CD163L1: variants seen among roughly 807,000 people sequenced by gnomAD.
CD163L1 encodes the protein CD163 molecule like 1, also known as scavenger receptor cysteine-rich type 1 protein M160.
CD163L1 carries 124 observed loss-of-function variants against 165.4 expected under a neutral mutation model. That is an observed-to-expected ratio of 0.75 (90% CI 0.65 to 0.87). The LOEUF (loss-of-function observed/expected upper bound fraction) is 0.87. Ranked by LOEUF, CD163L1 falls within the 40% of genes least tolerant of loss-of-function variation. The pLI is 0.00. For missense variants in CD163L1, 1,525 were observed against 1,799.9 expected (o/e 0.85, Z 2.76); for synonymous variants, 585 against 662.2 (o/e 0.88, Z 1.79).
intron 19 of CD163L1, among the ~76,000 whole-genome samples, chr12:7,356,890 G>A (rs188780978): frequency 1.5e-4 from 23 of 152,158 alleles, no homozygotes; most frequent in Non-Finnish European, 2.9e-4. Flanking sequence ...CTGCTATTAC[G>A]TTAATGTTTT....
chr12:7,375,966 C>A lies in CD163L1; in HGVS notation c.2420G>T (p.Arg807Leu), dbSNP rs1178461672. The change falls in exon 10 of 20, where the codon CGT becomes CTT. Residue 807 changes from arginine (R) to leucine (L), a missense_variant. Arg to Leu is a moderately radical substitution (Grantham distance 102). Transcript: ENST00000313599. ...TGTGTCTGCATGTTTCACTTCAACA[C>A]GTCCAGAGCAGGGCATATCAGCTCC... is the stretch of plus-strand genomic sequence containing the variant. ...LVGADMPCSGRVEVKHADTWR... is the reference protein window; with the variant it reads ...LVGADMPCSGLVEVKHADTWR... The A allele has an allele frequency of 6.2e-7, 1 of 1,614,226 alleles. No homozygotes were observed. The highest frequency in any genetic ancestry group is 8.5e-7 in the Non-Finnish European group (1 of 1,180,030).
At chr12:7,405,593 T>C (rs1948000246) in intron 5 of CD163L1, among the ~76,000 whole-genome samples, 1 of 152,338 alleles carries the variant, frequency 6.6e-6, no homozygotes, top group East Asian at 1.9e-4. Flanking sequence ...CCTCTTCGTC[T>C]ACATATGTTT....
In CD163L1 at chr12:7,374,722, GCT is replaced by G. The variant is rs749840561; in HGVS notation, c.3127_3128del (p.Ser1043ProfsTer19). On this transcript the variant is annotated frameshift_variant, in exon 13 of 20. Transcript: ENST00000313599. LOFTEE classifies it high-confidence loss of function. This position sits in a 1 kb window ranked among gnomAD's most constrained non-coding sequence, Gnocchi z 5.4. ...AGATCTCTACTCTCCCGGCACAGCG[GCT>G]GTCCCCATCCACTAGGCGGAGCCGT... ...DKRLRLVDGDSRCAGRVEIYH... is the reference protein window; with the variant it reads ...DKRLRLVDGDXRCAGRVEIYH... 6 of 1,613,970 alleles carry G rather than the reference GCT, an allele frequency of 3.7e-6. No individual in the cohort carries two copies. In the Admixed American group the frequency reaches 1.0e-4, roughly 27 times the overall value.
chr12:7,320,716 A>C, the CD163L1 span: 1 of 1,608,630 alleles, frequency 6.2e-7, no homozygotes, highest in Non-Finnish European at 8.5e-7. Context: ...GTCTTTCTCC[A>C]TCATCCAGAC....
chr12:7,332,900 A>G, the CD163L1 span, among the ~76,000 whole-genome samples: 1 of 152,214 alleles, frequency 6.6e-6, no homozygotes, highest in Non-Finnish European at 1.5e-5. Context: ...ACCAGCTAAC[A>G]TCATAATGAC....
In CD163L1 at chr12:7,432,472, C is replaced by T. The variant is rs751654593; in HGVS notation, c.710G>A (p.Arg237His). The T allele has an allele frequency of 2.3e-5, 37 of 1,613,968 alleles. No individual in the cohort carries two copies. Among genetic ancestry groups the T allele is most frequent in the Non-Finnish European group, 2.9e-5 (34 of 1,179,980 alleles). Residue 237 changes from arginine (R) to histidine (H), a missense_variant, in exon 4 of 20, where the codon CGT becomes CAT. Transcript: ENST00000313599. The surrounding 1 kb of genome is among the most constrained non-coding windows in gnomAD (Gnocchi z 4.2). ...NELALWNCRH[R>H]GWGNHDCSHN... ...ACTGCAGTCATGATTTCCCCATCCA[C>T]GATGTCTGCAATTCCAGAGTGCCAA...
In CD163L1 at chr12:7,403,878, C is replaced by T. The variant is rs912972212; in HGVS notation, c.1088-23G>A. 21 of 1,602,032 alleles carry T rather than the reference C, an allele frequency of 1.3e-5. No individual in the cohort carries two copies. In the Admixed American group the frequency reaches 2.2e-4, roughly 17 times the overall value. On this transcript the variant is annotated intron_variant, in intron 5 of 19. Transcript: ENST00000313599. ...CATCTAGGATGAAGTCACAGAGAAACGTCTGAATTGGGTTTGGGACAATAT... is the reference window on the plus strand; with the variant it reads ...CATCTAGGATGAAGTCACAGAGAAATGTCTGAATTGGGTTTGGGACAATAT...
rs1461868337 is a variant in CD163L1, at chr12:7,347,470, A to G, written c.*25-323T>C. 6.6e-6 allele frequency among the ~76,000 whole-genome samples: 1 copy of G among 152,124 alleles called. No individual in the cohort carries two copies. Among genetic ancestry groups the G allele is most frequent in the East Asian group, 1.9e-4 (1 of 5,198 alleles). On this transcript the variant is annotated intron_variant, in intron 4 of 4. Transcript: ENST00000539726. The surrounding 1 kb of genome is among the most constrained non-coding windows in gnomAD (Gnocchi z 4.2). ...TCTTTATAACCAGTTTATCTTGGTT[A>G]ATTTCTAAGGTAAAAAGGAATGGTC...
intron 2 of CD163L1, among the ~76,000 whole-genome samples, chr12:7,434,718 C>CAGACAG (rs1376666922): frequency 6.6e-6 from 1 of 151,680 alleles, no homozygotes; most frequent in South Asian, 2.1e-4. Flanking sequence ...GAGAGAGAGA[C>CAGACAG]AGACAGAGAC....
In CD163L1 at chr12:7,374,467, CT is replaced by C; in HGVS notation, c.3383del (p.Lys1128ArgfsTer14). 6.2e-7 allele frequency: 1 copy of C among 1,613,724 alleles called. No homozygotes were observed. The highest frequency in any genetic ancestry group is 1.1e-5 in the South Asian group (1 of 90,970). The part of the protein sequence containing the change: ...RGWGQHDCRH[K>X]EDAGVICSEF... Reference sequence around the variant, plus strand: ...CTGAGCAGATGACCCCTGCGTCCTCCTTGTGCCTGCAGTCGTGCTGCCCCCA... The same window carrying C: ...CTGAGCAGATGACCCCTGCGTCCTCCTGTGCCTGCAGTCGTGCTGCCCCCA... On this transcript the variant is annotated frameshift_variant, in exon 13 of 20. Transcript: ENST00000313599. LOFTEE classifies it high-confidence loss of function. The surrounding 1 kb of genome is among the most constrained non-coding windows in gnomAD (Gnocchi z 5.4).
At chr12:7,441,353 A>T in intron 1 of CD163L1, 107 bp from the exon 2 acceptor site, 2 of 783,532 alleles carry the variant, frequency 2.6e-6, no homozygotes, top group Middle Eastern at 6.9e-4. Context: ...AAGATGAATT[A>T]TTCTTCCACC....
Position 7,372,562 on chromosome 12 carries a change from T to C in CD163L1, c.3730+758A>G, listed in dbSNP as rs1947166809. On this transcript the variant is annotated intron_variant, in intron 14 of 19. Transcript: ENST00000313599. This position sits in a 1 kb window ranked among gnomAD's most constrained non-coding sequence, Gnocchi z 4.2. Reference sequence around the variant, plus strand: ...CATTGAAATTAGAATATATTTACAGTATACTTTTACATATAAAAGTAGGAT... The same window carrying C: ...CATTGAAATTAGAATATATTTACAGCATACTTTTACATATAAAAGTAGGAT... Among the ~76,000 whole-genome samples, 1 of 151,908 alleles carries C rather than the reference T, an allele frequency of 6.6e-6. No homozygotes were observed. The highest frequency in any genetic ancestry group is 1.5e-5 in the Non-Finnish European group (1 of 67,882).
exon 5 of CD163L1, chr12:7,346,778 G>A (rs751177740): frequency 6.6e-6 from 1 of 152,228 alleles, no homozygotes; most frequent in Admixed American, 6.5e-5. Context: ...GCACCATGCT[G>A]TAATATCTAG....
At chr12:7,320,780 T>A in the CD163L1 span, 1 of 1,613,526 alleles carries the variant, frequency 6.2e-7, no homozygotes, top group Non-Finnish European at 8.5e-7. Flanking sequence ...GTGTACCGGA[T>A]GCTCGTGCAA....
chr12:7,354,108 G>C (rs1946730803), downstream of CD163L1, among the ~76,000 whole-genome samples: 1 of 151,916 alleles, frequency 6.6e-6, no homozygotes, highest in South Asian at 2.1e-4. Flanking sequence ...TGATTTTTAG[G>C]ATTTCCAACT....
chr12:7,367,417 T>C, intron 17 of CD163L1, 86 bp from the exon 18 acceptor site: 2 of 753,258 alleles, frequency 2.7e-6, no homozygotes, highest in East Asian at 2.6e-5. Flanking sequence ...GTTTGACACA[T>C]ATTAATCCCT....
the CD163L1 span, chr12:7,323,400 C>T: frequency 6.3e-7 from 1 of 1,595,760 alleles, no homozygotes; most frequent in Non-Finnish European, 8.6e-7. Flanking sequence ...TATTCATAAG[C>T]TGCTTTCATT....
chr12:7,371,104 G>A (rs1208087196), intron 14 of CD163L1, among the ~76,000 whole-genome samples: 1 of 152,152 alleles, frequency 6.6e-6, no homozygotes, highest in Non-Finnish European at 1.5e-5. Flanking sequence ...CATGTAAGAC[G>A]TGACTTTGCT....
chr12:7,410,813 G>A (rs144836712), intron 4 of CD163L1, among the ~76,000 whole-genome samples: 2 of 151,314 alleles, frequency 1.3e-5, no homozygotes, highest in Non-Finnish European at 2.9e-5. Flanking sequence ...CTAGGCGACA[G>A]AGCGAGACTC....
Sources: gnomAD v4.1 joint callset for allele counts (sites outside exome capture counted in the v4.1 genomes callset) on GRCh38, gnomAD v4.1.1 for gene constraint, Gnocchi (gnomAD v3.1) non-coding constraint, MANE v1.5 for transcripts, NCBI Gene and HGNC (gene_info 2026-07-23, HGNC 2026-07-21) for gene names.